SYNE1: variants seen among roughly 807,000 people sequenced by gnomAD.
The protein encoded by SYNE1 is nesprin-1.
Under a neutral mutation model 1,111.0 loss-of-function variants are expected in SYNE1, and 616 were observed. That is an observed-to-expected ratio of 0.55 (90% CI 0.52 to 0.59). The LOEUF (loss-of-function observed/expected upper bound fraction) is 0.59, where lower values mean the gene tolerates loss of function less well. Among genes scored for constraint, SYNE1 ranks in the 20% least tolerant of loss-of-function variants. The probability of loss-of-function intolerance (pLI) is 0.00; values close to 1 mark genes in which losing one functional copy is unlikely to be tolerated. For missense variants in SYNE1, 10,006 were observed against 10,417.0 expected (o/e 0.96, Z 1.72); for synonymous variants, 3,855 against 3,825.8 (o/e 1.01, Z -0.28).
chr6:152,487,423 C>A (rs10457878), intron 12 of SYNE1, among the ~76,000 whole-genome samples: 270 of 152,276 alleles, frequency 1.8e-3, no homozygotes, highest in Admixed American at 3.6e-3. Flanking sequence ...TGTATATGTA[C>A]CAGATTTTAT....
intron 121 of SYNE1, among the ~76,000 whole-genome samples, chr6:152,215,274 A>C (rs2078358805): frequency 6.6e-6 from 1 of 152,134 alleles, no homozygotes; most frequent in South Asian, 2.1e-4. Context: ...TGCTATTGCT[A>C]CTCAAGCTAC....
At chr6:152,453,982 CA>C (rs2098673805) in intron 24 of SYNE1, among the ~76,000 whole-genome samples, 1 of 151,866 alleles carries the variant, frequency 6.6e-6, no homozygotes, top group African/African-American at 2.4e-5. Context: ...TAGAATATTC[CA>C]AAAGGAATAT....
intron 117 of SYNE1, among the ~76,000 whole-genome samples, chr6:152,223,500 TC>T (rs1330990588): frequency 9.2e-5 from 14 of 152,144 alleles, no homozygotes; most frequent in African/African-American, 3.1e-4. Flanking sequence ...CATGCCGTAA[TC>T]CCAGCTACTC....
At position 152,381,212 on chromosome 6, in the gene SYNE1, C is replaced by T; in HGVS notation, c.8803G>A (p.Asp2935Asn). ...CAGCTCTGCGTTTGGAATACACTGT[C>T]TTCCCACTGCTTCCAGTCGGCACGC... ...ALRADWKQWE[D>N]SVFQTQSCLE... Residue 2935 changes from aspartate to asparagine, a missense_variant, in exon 56 of 146, where the codon GAC becomes AAC. Around this residue, in one of 7 missense-constraint regions of SYNE1, gnomAD observed 4,955 missense variants for 5,017.2 expected, o/e 0.99. Transcript: ENST00000367255. 1 of 1,614,244 alleles carries T rather than the reference C, an allele frequency of 6.2e-7. No individual in the cohort carries two copies. The highest frequency in any genetic ancestry group is 8.5e-7 in the Non-Finnish European group (1 of 1,180,048).
intron 138 of SYNE1, among the ~76,000 whole-genome samples, chr6:152,142,982 C>T (rs970028296): frequency 6.6e-6 from 1 of 152,068 alleles, no homozygotes. Flanking sequence ...CTTAAGTACG[C>T]GTAGGAAAGC....
intron 115 of SYNE1, among the ~76,000 whole-genome samples, chr6:152,227,431 C>A (rs763870279): frequency 4.6e-5 from 7 of 152,148 alleles, no homozygotes; most frequent in Non-Finnish European, 1.0e-4. Context: ...GACACTCACG[C>A]ATTTGGCAGC....
At chr6:152,365,460 C>G (rs2097055580) in intron 62 of SYNE1, among the ~76,000 whole-genome samples, 1 of 151,884 alleles carries the variant, frequency 6.6e-6, no homozygotes, top group African/African-American at 2.4e-5. Context: ...AAGGAAGTTT[C>G]TTCTTTTGCT....
chr6:152,465,214 T>C (rs777156925), intron 18 of SYNE1, 44 bp downstream of exon 18: 1 of 1,602,892 alleles, frequency 6.2e-7, no homozygotes, highest in Non-Finnish European at 8.5e-7. Flanking sequence ...CTCTCATTTT[T>C]ACATACATCA....
intron 133 of SYNE1, among the ~76,000 whole-genome samples, chr6:152,152,839 T>C (rs2747642): frequency 0.32 from 48,926 of 152,040 alleles, 8,190 homozygotes; most frequent in Admixed American, 0.44. Context: ...TTAGAGCTAG[T>C]GTACCACCCA....
At chr6:152,143,495 G>C (rs969270392) in intron 138 of SYNE1, 128 bp downstream of exon 138, 1 of 1,389,906 alleles carries the variant, frequency 7.2e-7, no homozygotes, top group Non-Finnish European at 1.0e-6. Flanking sequence ...TGCACATCCA[G>C]GTTCACGAGT....
intron 3 of SYNE1, among the ~76,000 whole-genome samples, chr6:152,568,822 T>C (rs2099429544): frequency 6.6e-6 from 1 of 152,188 alleles, no homozygotes; most frequent in South Asian, 2.1e-4. Flanking sequence ...CCATTACATT[T>C]GTAAGCAAAG....
intron 39 of SYNE1, among the ~76,000 whole-genome samples, chr6:152,422,088 A>G (rs1359853218): frequency 6.6e-6 from 1 of 152,126 alleles, no homozygotes; most frequent in East Asian, 1.9e-4. Flanking sequence ...TAAGTAAACA[A>G]CCTATGTGCC....
At chr6:152,398,455 A>G (rs1216855675) in intron 49 of SYNE1, among the ~76,000 whole-genome samples, 164 bp downstream of exon 49, 1 of 152,214 alleles carries the variant, frequency 6.6e-6, no homozygotes, top group African/African-American at 2.4e-5. Context: ...TTCTCAACAT[A>G]CTTATCATGT....
chr6:152,364,698 AAGG>A (rs2097024284), intron 63 of SYNE1, 146 bp downstream of exon 63: 1 of 734,172 alleles, frequency 1.4e-6, no homozygotes, highest in African/African-American at 1.9e-5. Context: ...GGAAGGAAGG[AAGG>A]AAGGAAGGAA....
chr6:152,426,815 G>A (rs764043936), intron 38 of SYNE1, among the ~76,000 whole-genome samples: 5 of 152,206 alleles, frequency 3.3e-5, no homozygotes, highest in Non-Finnish European at 2.9e-5. Context: ...CAGAAGAATG[G>A]AGTACCCCCC....
At chr6:152,324,719 T>C (rs2096006416) in intron 81 of SYNE1, among the ~76,000 whole-genome samples, 1 of 152,004 alleles carries the variant, frequency 6.6e-6, no homozygotes, top group African/African-American at 2.4e-5. Flanking sequence ...GAGAATGGCG[T>C]GAACCCGGGA....
intron 74 of SYNE1, among the ~76,000 whole-genome samples, chr6:152,341,642 C>A (rs2096536187): frequency 1.3e-5 from 2 of 152,136 alleles, no homozygotes; most frequent in African/African-American, 2.4e-5. Flanking sequence ...CATCTTGGTA[C>A]CATGCCCATT....
intron 72 of SYNE1, among the ~76,000 whole-genome samples, chr6:152,347,819 C>T (rs11964301): frequency 0.026 from 3,960 of 150,784 alleles, 183 homozygotes; most frequent in African/African-American, 0.09. Context: ...TAGGTGGGAT[C>T]ACAGGTGCCC....
chr6:152,312,043 C>T (rs1226414336), intron 87 of SYNE1, among the ~76,000 whole-genome samples: 1 of 152,132 alleles, frequency 6.6e-6, no homozygotes, highest in Non-Finnish European at 1.5e-5. Flanking sequence ...CTTGGCCTCC[C>T]AAAATGCTGG....
Sources: gnomAD v4.1 joint callset for allele counts (sites outside exome capture counted in the v4.1 genomes callset) on GRCh38, gnomAD v4.1.1 for gene constraint, gnomAD v4.1.1 regional missense constraint, MANE v1.5 for transcripts, NCBI Gene and HGNC (gene_info 2026-07-23, HGNC 2026-07-21) for gene names.